The following TAF12 variants were observed in gnomAD, a reference collection of about 807,000 sequenced individuals.
The protein encoded by TAF12 is TATA-box binding protein associated factor 12.
A neutral mutation model predicts 20.8 loss-of-function variants in TAF12; 3 were observed. That is an observed-to-expected ratio of 0.14 (90% CI 0.07 to 0.37). The LOEUF is 0.37. TAF12 is among the 10% of genes least tolerant of loss of function. The pLI, the probability that TAF12 is intolerant of heterozygous loss-of-function variation, is 1.00. For synonymous variants in TAF12, 69 were observed against 70.2 expected (o/e 0.98, Z 0.09); for missense variants, 131 against 197.9 (o/e 0.66, Z 2.03).
chr1:28,618,071 G>A (rs1191460784), intron 2 of TAF12, 41 bp from the exon 3 acceptor site: 2 of 1,567,312 alleles, frequency 1.3e-6, no homozygotes, highest in Non-Finnish European at 1.7e-6. Flanking sequence ...CAGATATTAA[G>A]GAAATGAAAC....
intron 1 of TAF12, among the ~76,000 whole-genome samples, chr1:28,629,253 CAT>C (rs573340896): frequency 2.0e-5 from 3 of 152,242 alleles, no homozygotes; most frequent in East Asian, 1.9e-4. Flanking sequence ...GTATTATGTG[CAT>C]ATGTTACCTA....
chr1:28,608,581 C>T (rs549117874), intron 4 of TAF12, among the ~76,000 whole-genome samples: 50 of 151,296 alleles, frequency 3.3e-4, no homozygotes, highest in Non-Finnish European at 5.5e-4. Context: ...CAGTGAAAAC[C>T]CGTCTCGACT....
At chr1:28,616,457 G>T (rs142537587) in intron 3 of TAF12, among the ~76,000 whole-genome samples, 3 of 151,490 alleles carry the variant, frequency 2.0e-5, no homozygotes, top group African/African-American at 7.3e-5. Flanking sequence ...GGACCAGCAG[G>T]CGTGATAGCT....
chr1:28,644,137 A>T (rs951728998), upstream of TAF12, among the ~76,000 whole-genome samples: 7 of 152,206 alleles, frequency 4.6e-5, no homozygotes, highest in African/African-American at 1.4e-4. Flanking sequence ...CAGCATCTGT[A>T]AGGTTCACAG....
At chr1:28,638,355 A>G (rs1363499362) in intron 1 of TAF12, among the ~76,000 whole-genome samples, 1 of 151,216 alleles carries the variant, frequency 6.6e-6, no homozygotes, top group Non-Finnish European at 1.5e-5. Flanking sequence ...ACGCCCAGCT[A>G]ATTTTGTATT....
At chr1:28,615,153 A>G (rs1380442210) in intron 3 of TAF12, among the ~76,000 whole-genome samples, 1 of 152,048 alleles carries the variant, frequency 6.6e-6, no homozygotes, top group Non-Finnish European at 1.5e-5. Context: ...ACATGAAAAA[A>G]CTGAGATTTT....
chr1:28,614,965 T>G (rs1666981387), intron 3 of TAF12, among the ~76,000 whole-genome samples: 2 of 152,052 alleles, frequency 1.3e-5, no homozygotes. Flanking sequence ...AGAAATTAGC[T>G]GGGCTTGGTG....
At chr1:28,630,440 G>A (rs1667577187) in intron 1 of TAF12, among the ~76,000 whole-genome samples, 1 of 151,988 alleles carries the variant, frequency 6.6e-6, no homozygotes, top group Non-Finnish European at 1.5e-5. Context: ...TGTAATCTAA[G>A]CTACTCGAGG....
intron 3 of TAF12, among the ~76,000 whole-genome samples, chr1:28,614,590 G>C (rs2124317141): frequency 6.6e-6 from 1 of 152,078 alleles, no homozygotes; most frequent in East Asian, 1.9e-4. Flanking sequence ...GGTTGAGGCA[G>C]GAGAATCGCT....
intron 2 of TAF12, 119 bp from the exon 3 acceptor site, chr1:28,618,149 TCA>T: frequency 2.3e-6 from 2 of 874,820 alleles, no homozygotes; most frequent in Non-Finnish European, 3.6e-6. Context: ...TCCAATGAGT[TCA>T]CAGTCTGGCC....
intron 1 of TAF12, among the ~76,000 whole-genome samples, chr1:28,627,416 G>A (rs1420091683): frequency 1.7e-4 from 25 of 149,614 alleles, no homozygotes; most frequent in Non-Finnish European, 2.8e-4. Flanking sequence ...AAAAGAGGCC[G>A]GGCGCGGTGG....
rs981022118 is a variant in TAF12, at chr1:28,602,942, G to C, written c.*597C>G. The C allele has an allele frequency of 2.6e-5, 4 of 152,150 alleles. No homozygotes were observed. The highest frequency in any genetic ancestry group is 9.7e-5 in the African/African-American group (4 of 41,414). The allele number at this position is 152,150 out of a possible 1,614,324, so 9.4% of individuals were successfully genotyped here. ...GAGAAGCTGGACTCAAACTCCTGCTGATGTTATGGCCTCCCTTGGGGTAAA... is the reference window on the plus strand; with the variant it reads ...GAGAAGCTGGACTCAAACTCCTGCTCATGTTATGGCCTCCCTTGGGGTAAA... On this transcript the variant is annotated 3_prime_UTR_variant, in exon 6 of 6. Coordinates refer to ENST00000373824, the MANE Select transcript of TAF12 (RefSeq NM_005644.4).
chr1:28,633,567 A>G (rs1039060520), intron 1 of TAF12, among the ~76,000 whole-genome samples: 2 of 150,126 alleles, frequency 1.3e-5, no homozygotes, highest in African/African-American at 2.4e-5. Context: ...ACTTGAGGTC[A>G]GGAGTTCAAG....
chr1:28,608,703 G>A (rs768509390), intron 4 of TAF12, among the ~76,000 whole-genome samples: 3 of 150,958 alleles, frequency 2.0e-5, no homozygotes, highest in Non-Finnish European at 4.4e-5. Context: ...TGCAGTGAGC[G>A]GAGATTGTGC....
chr1:28,632,747 G>C (rs1053469916), intron 1 of TAF12, among the ~76,000 whole-genome samples: 2 of 152,102 alleles, frequency 1.3e-5, no homozygotes, highest in African/African-American at 4.8e-5. Context: ...ATCTGTGGAG[G>C]TGGGGGGTGA....
At chr1:28,640,056 G>A (rs1293978497) in intron 1 of TAF12, among the ~76,000 whole-genome samples, 7 of 151,572 alleles carry the variant, frequency 4.6e-5, no homozygotes, top group Non-Finnish European at 8.8e-5. Context: ...TTGGCCAGGC[G>A]GGTCTCGAAC....
chr1:28,620,732 C>T (rs564602455), intron 2 of TAF12, among the ~76,000 whole-genome samples: 91 of 152,194 alleles, frequency 6.0e-4, no homozygotes, highest in African/African-American at 2.1e-3. Flanking sequence ...CATGCCCGGC[C>T]GAACCCAGAA....
intron 2 of TAF12, among the ~76,000 whole-genome samples, chr1:28,619,187 T>C (rs1056075259): frequency 2.0e-5 from 3 of 150,430 alleles, no homozygotes; most frequent in Non-Finnish European, 4.4e-5. Context: ...ACTGCATCTC[T>C]ATTTAAAAAA....
At chr1:28,640,055 C>A (rs1457345614) in intron 1 of TAF12, among the ~76,000 whole-genome samples, 1 of 152,096 alleles carries the variant, frequency 6.6e-6, no homozygotes, top group East Asian at 1.9e-4. Context: ...GTTGGCCAGG[C>A]GGGTCTCGAA....
Sources: allele counts gnomAD v4.1 joint callset (sites outside exome capture counted in the v4.1 genomes callset), GRCh38; gene constraint gnomAD v4.1.1; transcripts MANE v1.5; gene names NCBI Gene and HGNC (gene_info 2026-07-23, HGNC 2026-07-21).